SCRG1: variants seen among roughly 807,000 people sequenced by gnomAD.
SCRG1 encodes scrapie-responsive protein 1.
SCRG1 carries 3 observed loss-of-function variants against 7.7 expected under a neutral mutation model. The ratio of observed to expected loss-of-function variants is 0.39; its 90% CI spans 0.18 to 1.01. SCRG1 has a LOEUF of 1.01. SCRG1 is among the 50% of genes least tolerant of loss of function. SCRG1 has a pLI of 0.36. For missense variants in SCRG1, 110 were observed against 117.2 expected, an observed-to-expected ratio of 0.94 and a Z score of 0.28; for synonymous variants, 46 against 41.2, an observed-to-expected ratio of 1.12 and a Z score of -0.44.
At chr4:173,483,549 A>ATTATATATTGTATTGTGATATATAATATT in the SCRG1 span, among the ~76,000 whole-genome samples, 1 of 47,822 alleles carries the variant, frequency 2.1e-5, no homozygotes, top group African/African-American at 1.1e-4. Flanking sequence ...TATATAATAT[A>ATTATATATTGTATTGTGATATATAATATT]TATTATATAT....
the SCRG1 span, among the ~76,000 whole-genome samples, chr4:173,507,946 C>CCGAGTG: frequency 1.3e-5 from 2 of 152,232 alleles, no homozygotes; most frequent in African/African-American, 4.8e-5. The surrounding 1 kb of genome is among the most constrained non-coding windows in gnomAD (Gnocchi z 4.4). Flanking sequence ...CCCTGCTGCC[C>CCGAGTG]CGAGTGCGGC....
At chr4:173,509,292 G>A in the SCRG1 span, among the ~76,000 whole-genome samples, 1 of 152,154 alleles carries the variant, frequency 6.6e-6, no homozygotes, top group East Asian at 1.9e-4. This position sits in a 1 kb window ranked among gnomAD's most constrained non-coding sequence, Gnocchi z 5.7. Flanking sequence ...AGGATGGGAC[G>A]CGTGGGGACT....
chr4:173,412,233 A>C, the SCRG1 span, among the ~76,000 whole-genome samples: 2 of 152,150 alleles, frequency 1.3e-5, no homozygotes, highest in Non-Finnish European at 2.9e-5. Flanking sequence ...TCAGGGCAGA[A>C]TTTCCAGTTT....
chr4:173,494,405 G>T, the SCRG1 span, among the ~76,000 whole-genome samples: 4 of 152,212 alleles, frequency 2.6e-5, no homozygotes, highest in Admixed American at 6.5e-5. Flanking sequence ...CCGTCATCCT[G>T]CGACAGGTGC....
the SCRG1 span, among the ~76,000 whole-genome samples, chr4:173,506,679 G>A: frequency 6.6e-6 from 1 of 152,144 alleles, no homozygotes; most frequent in Non-Finnish European, 1.5e-5. This position sits in a 1 kb window ranked among gnomAD's most constrained non-coding sequence, Gnocchi z 5.3. Context: ...GGGTTGTGGA[G>A]GAGCGACGGA....
chr4:173,476,363 A>AAAAAAATATATATATATATATAT, the SCRG1 span, among the ~76,000 whole-genome samples: 533 of 98,314 alleles, frequency 5.4e-3, 10 homozygotes, highest in East Asian at 0.056. Flanking sequence ...GGAAAAAAAA[A>AAAAAAATATATATATATATATAT]ATATATATAT....
At chr4:173,500,671 G>C in the SCRG1 span, among the ~76,000 whole-genome samples, 1 of 152,112 alleles carries the variant, frequency 6.6e-6, no homozygotes, top group Admixed American at 6.5e-5. Context: ...TTTTTGTAGA[G>C]ATGGGGTTTC....
chr4:173,507,499 C>T, the SCRG1 span, among the ~76,000 whole-genome samples: 1 of 152,208 alleles, frequency 6.6e-6, no homozygotes, highest in Non-Finnish European at 1.5e-5. This position sits in a 1 kb window ranked among gnomAD's most constrained non-coding sequence, Gnocchi z 4.4. Flanking sequence ...CGTGAGCCTC[C>T]CGGCCTGGCC....
the SCRG1 span, among the ~76,000 whole-genome samples, chr4:173,518,150 G>A: frequency 3.9e-5 from 6 of 151,944 alleles, no homozygotes; most frequent in East Asian, 1.2e-3. Flanking sequence ...TTTTTCGCCC[G>A]CAGGAACACT....
In SCRG1 at chr4:173,386,759, C is replaced by G. The variant is rs1739259758; in HGVS notation, c.*1582G>C. 1 of 152,140 alleles carries G rather than the reference C, an allele frequency of 6.6e-6. No homozygotes were observed. The highest frequency in any genetic ancestry group is 2.4e-5 in the African/African-American group (1 of 41,444). 9.4% of individuals were successfully genotyped at this position (152,140 alleles called of 1,614,324 possible). ...TTTCCCCACAATACTTTGTATGGCA[C>G]CCTATACTTCTCTGTAGCAGGCTTC... On this transcript the variant is annotated 3_prime_UTR_variant, in exon 3 of 3. Coordinates refer to ENST00000296506, the MANE Select transcript of SCRG1 (RefSeq NM_007281.4).
At chr4:173,489,525 T>G in the SCRG1 span, among the ~76,000 whole-genome samples, 2 of 152,134 alleles carry the variant, frequency 1.3e-5, no homozygotes, top group East Asian at 3.8e-4. Context: ...TTTTTTTTGT[T>G]TGTTTGTTCA....
chr4:173,391,170 T>C lies in SCRG1; in HGVS notation c.242+3A>G. On this transcript the variant is annotated splice_donor_region_variant and intron_variant, in intron 2 of 2. Coordinates refer to ENST00000296506, the MANE Select transcript of SCRG1 (RefSeq NM_007281.4). ...AATACACTTTGTGATACCATTTCCT[T>C]ACTTTGGGCAGCAGAGCAATTCGCT... 6.2e-7 allele frequency: 1 copy of C among 1,613,902 alleles called. No homozygotes were observed. Among genetic ancestry groups the C allele is most frequent in the Non-Finnish European group, 8.5e-7 (1 of 1,179,922 alleles).
At chr4:173,484,892 A>G in the SCRG1 span, among the ~76,000 whole-genome samples, 1 of 68,396 alleles carries the variant, frequency 1.5e-5, no homozygotes, top group Non-Finnish European at 2.5e-5. Context: ...TATTATATAC[A>G]TATATAATAT....
At chr4:173,460,353 C>A in the SCRG1 span, among the ~76,000 whole-genome samples, 4 of 152,318 alleles carry the variant, frequency 2.6e-5, no homozygotes, top group East Asian at 7.7e-4. Context: ...GAAGTGCTGG[C>A]ATCACCCCTC....
the SCRG1 span, among the ~76,000 whole-genome samples, chr4:173,488,299 C>T: frequency 2.6e-5 from 4 of 151,972 alleles, no homozygotes; most frequent in Non-Finnish European, 5.9e-5. Flanking sequence ...CTGAACAAGG[C>T]ACAGCTGCAT....
the SCRG1 span, among the ~76,000 whole-genome samples, chr4:173,490,750 T>C: frequency 1.3e-5 from 2 of 152,246 alleles, no homozygotes; most frequent in Non-Finnish European, 2.9e-5. Flanking sequence ...TTTCTATTTC[T>C]GTCATGTTCT....
chr4:173,495,611 A>G, the SCRG1 span, among the ~76,000 whole-genome samples: 1 of 152,250 alleles, frequency 6.6e-6, no homozygotes, highest in African/African-American at 2.4e-5. Flanking sequence ...CTTTTCATTT[A>G]GTCCTCACAA....
chr4:173,508,736 G>A, the SCRG1 span, among the ~76,000 whole-genome samples: 1 of 152,156 alleles, frequency 6.6e-6, no homozygotes, highest in Admixed American at 6.5e-5. The surrounding 1 kb of genome is among the most constrained non-coding windows in gnomAD (Gnocchi z 4.4). Context: ...TATGGACATC[G>A]CCGCCTCATT....
the SCRG1 span, among the ~76,000 whole-genome samples, chr4:173,491,216 TC>T: frequency 0.02 from 1,226 of 59,968 alleles, 10 homozygotes; most frequent in African/African-American, 0.039. Flanking sequence ...TCTCTCTCTC[TC>T]TTTTTTTTTT....
Sources: allele counts gnomAD v4.1 joint callset (sites outside exome capture counted in the v4.1 genomes callset), GRCh38; gene constraint gnomAD v4.1.1; non-coding constraint Gnocchi (gnomAD v3.1); transcripts MANE v1.5; gene names NCBI Gene and HGNC (gene_info 2026-07-23, HGNC 2026-07-21).